Variants in CYTH4 observed in about 807,000 individuals in gnomAD.
The protein encoded by CYTH4 is cytohesin-4.
CYTH4 carries 22 observed loss-of-function variants against 57.5 expected under a neutral mutation model. That is an observed-to-expected ratio of 0.38 (90% CI 0.27 to 0.55). CYTH4 has a LOEUF of 0.55. Ranked by LOEUF, CYTH4 falls within the 20% of genes least tolerant of loss-of-function variation. The pLI, the probability that CYTH4 is intolerant of heterozygous loss-of-function variation, is 0.74. For missense variants in CYTH4, 420 were observed against 535.6 expected (o/e 0.78, Z 2.13); for synonymous variants, 186 against 206.5 (o/e 0.90, Z 0.85).
chr22:37,299,138 C>A, intron 5 of CYTH4, 88 bp from the exon 6 acceptor site: 1 of 931,414 alleles, frequency 1.1e-6, no homozygotes, highest in East Asian at 2.5e-5. Context: ...TCTCTGTCCT[C>A]TCCCTCCCCC....
intron 1 of CYTH4, among the ~76,000 whole-genome samples, chr22:37,286,202 T>C (rs1928554715): frequency 6.6e-6 from 1 of 152,122 alleles, no homozygotes; most frequent in African/African-American, 2.4e-5. Context: ...GACGGGTGTT[T>C]GATGGTTCGT....
intron 2 of CYTH4, among the ~76,000 whole-genome samples, chr22:37,293,393 AC>A (rs61703806): frequency 0.28 from 42,431 of 152,130 alleles, 7,138 homozygotes; most frequent in Admixed American, 0.43. Flanking sequence ...CCCTATGACC[AC>A]CCATGATCCC....
At chr22:37,286,109 GT>G (rs3835357) in intron 1 of CYTH4, among the ~76,000 whole-genome samples, 86,836 of 151,942 alleles carry the variant, frequency 0.57, 25,029 homozygotes, top group South Asian at 0.75. Flanking sequence ...CAGGGGTTGG[GT>G]GGGGGCAACT....
intron 1 of CYTH4, among the ~76,000 whole-genome samples, chr22:37,287,783 C>A (rs776842702): frequency 6.6e-6 from 1 of 152,206 alleles, no homozygotes; most frequent in South Asian, 2.1e-4. Context: ...CGAGTCACTT[C>A]GCCTTCCTAA....
chr22:37,312,975 G>T (rs1929703528), intron 12 of CYTH4, among the ~76,000 whole-genome samples: 2 of 152,232 alleles, frequency 1.3e-5, no homozygotes, highest in African/African-American at 4.8e-5. Context: ...GGCCTTGTGA[G>T]CCTGTGAGGC....
chr22:37,285,710 C>CA (rs1928533951), intron 1 of CYTH4, among the ~76,000 whole-genome samples: 1 of 144,132 alleles, frequency 6.9e-6, no homozygotes, highest in South Asian at 2.1e-4. Flanking sequence ...GACATCGTCT[C>CA]AAACAAACAA....
Position 37,291,381 on chromosome 22 carries a change from C to T in CYTH4, c.20-1240C>T, listed in dbSNP as rs55857783. ...GAGAAGGAGAAGTAGGGAAAGGGAG[C>T]GCTCAACATTCCCTCTGTGTTCTTT... On this transcript the variant is annotated intron_variant, in intron 1 of 12. Transcript: ENST00000248901. Among the ~76,000 whole-genome samples, 1,094 of 152,168 alleles carry T rather than the reference C, an allele frequency of 7.2e-3. 11 individuals carry two copies. The highest frequency in any genetic ancestry group is 0.025 in the African/African-American group (1,053 of 41,504).
In CYTH4 at chr22:37,313,985, G is replaced by C. The variant is rs966001192; in HGVS notation, c.*474G>C. The C allele has an allele frequency of 8.0e-6, 2 of 250,386 alleles. No homozygotes were observed. The highest frequency in any genetic ancestry group is 4.4e-5 in the African/African-American group (2 of 45,122). 15.5% of individuals were successfully genotyped at this position (250,386 alleles called of 1,614,324 possible). A position where few individuals can be genotyped will look rare whatever the true frequency, so the allele number is the denominator to read the frequency against. ...CTCTGCCAACCCCTCCCCTGTCCTC[G>C]GGTTGGGCTTGGCCCTCTCTGCCTG... On this transcript the variant is annotated 3_prime_UTR_variant, in exon 13 of 13. Transcript: ENST00000248901.
At position 37,299,320 on chromosome 22, in the gene CYTH4, G is replaced by T. The variant is rs756526727; in HGVS notation, c.434+14G>T. 2 of 1,613,364 alleles carry T rather than the reference G, an allele frequency of 1.2e-6. No individual in the cohort carries two copies. Among genetic ancestry groups the T allele is most frequent in the Admixed American group, 3.3e-5 (2 of 59,980 alleles). Reference sequence around the variant, plus strand: ...CCAGGCCCTCAGGTGAGTAGTCCTGGGGCAGGGTCCCGGCCCTCAAGGGTG... The same window carrying T: ...CCAGGCCCTCAGGTGAGTAGTCCTGTGGCAGGGTCCCGGCCCTCAAGGGTG... On this transcript the variant is annotated intron_variant, in intron 6 of 12. Coordinates refer to ENST00000248901, the MANE Select transcript of CYTH4 (RefSeq NM_013385.5).
In CYTH4 at chr22:37,295,889, T is replaced by C; in HGVS notation, c.168-110T>C. 8.6e-7 allele frequency: 1 copy of C among 1,156,736 alleles called. No individual in the cohort carries two copies. The highest frequency in any genetic ancestry group is 1.3e-6 in the Non-Finnish European group (1 of 791,786). 71.7% of individuals were successfully genotyped at this position (1,156,736 alleles called of 1,614,324 possible). On this transcript the variant is annotated intron_variant, in intron 3 of 12. Coordinates refer to ENST00000248901, the MANE Select transcript of CYTH4 (RefSeq NM_013385.5). This position sits in a 1 kb window ranked among gnomAD's most constrained non-coding sequence, Gnocchi z 4.1. ...CCATGCAGGACCCGGAGGCCACACT[T>C]GGAGGGCCCTAGAGGGGTATGGGCT...
intron 8 of CYTH4, among the ~76,000 whole-genome samples, chr22:37,308,529 TGTGA>T (rs1244072633): frequency 8.6e-5 from 13 of 150,974 alleles, no homozygotes; most frequent in African/African-American, 1.7e-4. Flanking sequence ...TATATGTGTC[TGTGA>T]GTGTGTGTAT....
chr22:37,302,037 T>C (rs1361695741), intron 7 of CYTH4: 1 of 169,214 alleles, frequency 5.9e-6, no homozygotes, highest in Non-Finnish European at 1.5e-5. Context: ...TTGAGGTCAG[T>C]AGTCTTCTTA....
chr22:37,282,585 C>A lies in CYTH4; in HGVS notation c.16C>A (p.Pro6Thr), dbSNP rs201176804. Residue 6 changes from proline (P) to threonine (T), a missense_variant, in exon 1 of 13, where the codon CCA becomes ACA. By Grantham distance (38) the Pro-to-Thr change is conservative (BLOSUM62 -1). Coordinates refer to ENST00000248901, the MANE Select transcript of CYTH4 (RefSeq NM_013385.5). The stretch of plus-strand genomic sequence containing the variant: ...AGGCGTCGGAATGGACCTGTGCCAC[C>A]CAGGTAAGCAACTGCCGTCAACCTC... MDLCHPEPAELSSGET... is the reference protein window; with the variant it reads MDLCHTEPAELSSGET... The A allele has an allele frequency of 1.2e-5, 20 of 1,612,604 alleles. No homozygotes were observed. The highest frequency in any genetic ancestry group is 3.3e-5 in the Admixed American group (2 of 59,750).
rs1248720743 is a variant in CYTH4, at chr22:37,298,879, G to A, written c.354-347G>A. On this transcript the variant is annotated intron_variant, in intron 5 of 12. Coordinates refer to ENST00000248901, the MANE Select transcript of CYTH4 (RefSeq NM_013385.5). The surrounding 1 kb of genome is among the most constrained non-coding windows in gnomAD (Gnocchi z 4.1). ...TTCTCTCCCTTGTACAGATGAGGAA[G>A]CTGGGGCTGGGAAGGTCAAGTGGCT... Among the ~76,000 whole-genome samples, 1 of 152,152 alleles carries A rather than the reference G, an allele frequency of 6.6e-6. No individual in the cohort carries two copies. The highest frequency in any genetic ancestry group is 1.9e-4 in the East Asian group (1 of 5,180).
At chr22:37,305,425 C>T (rs1023261270) in intron 8 of CYTH4, among the ~76,000 whole-genome samples, 7 of 152,164 alleles carry the variant, frequency 4.6e-5, no homozygotes, top group African/African-American at 1.4e-4. Flanking sequence ...TCAGAACCAC[C>T]TCCAGTCCCG....
intron 7 of CYTH4, among the ~76,000 whole-genome samples, chr22:37,302,956 CGAG>C (rs1436141311): frequency 9.3e-6 from 1 of 106,980 alleles, no homozygotes; most frequent in South Asian, 5.9e-4. Flanking sequence ...CGTGGCTGAG[CGAG>C]AAGGAGGATT....
At chr22:37,312,463 A>G (rs1332431897) in intron 12 of CYTH4, among the ~76,000 whole-genome samples, 2 of 152,222 alleles carry the variant, frequency 1.3e-5, no homozygotes, top group African/African-American at 4.8e-5. Context: ...GCACGTGGTG[A>G]GTGCTCTTGT....
In CYTH4 at chr22:37,308,744, ATG is replaced by A. The variant is rs112788325; in HGVS notation, c.697-461_697-460del. 4.9e-4 allele frequency among the ~76,000 whole-genome samples: 72 copies of A among 147,544 alleles called. 2 individuals are homozygous for A. Among genetic ancestry groups the A allele is most frequent in the African/African-American group, 1.6e-3 (65 of 39,758 alleles). ...TGCGTGTATGTATGAGTATGCATGC[ATG>A]TGTGTGCATGTATGTGTGAGCGTGC... On this transcript the variant is annotated intron_variant, in intron 8 of 12. Coordinates refer to ENST00000248901, the MANE Select transcript of CYTH4 (RefSeq NM_013385.5).
intron 8 of CYTH4, 79 bp downstream of exon 8, chr22:37,303,481 G>C (rs1465282335): frequency 6.6e-7 from 1 of 1,505,334 alleles, no homozygotes; most frequent in African/African-American, 1.4e-5. Flanking sequence ...GCCCGGGAGG[G>C]GCTCCTCTGA....
Sources: allele counts gnomAD v4.1 joint callset (sites outside exome capture counted in the v4.1 genomes callset), GRCh38; gene constraint gnomAD v4.1.1; non-coding constraint Gnocchi (gnomAD v3.1); transcripts MANE v1.5; gene names NCBI Gene and HGNC (gene_info 2026-07-23, HGNC 2026-07-21).